The following ST8SIA4 variants were observed in gnomAD, a reference collection of about 807,000 sequenced individuals.
ST8SIA4 encodes ST8 alpha-N-acetyl-neuraminide alpha-2,8-sialyltransferase 4, also known as CMP-N-acetylneuraminate-poly-alpha-2,8-sialyltransferase.
A neutral mutation model predicts 33.9 loss-of-function variants in ST8SIA4; 15 were observed. The ratio of observed to expected loss-of-function variants is 0.44; its 90% CI spans 0.30 to 0.68. The LOEUF is 0.68. Among genes scored for constraint, ST8SIA4 ranks in the 30% least tolerant of loss-of-function variants. The probability of loss-of-function intolerance (pLI) is 0.10; values close to 1 mark genes in which losing one functional copy is unlikely to be tolerated. For synonymous variants in ST8SIA4, 171 were observed against 151.2 expected, an observed-to-expected ratio of 1.13 and a Z score of -0.96; for missense variants, 321 against 428.0, an observed-to-expected ratio of 0.75 and a Z score of 2.21.
chr5:100,865,638 C>A (rs1752045261), intron 3 of ST8SIA4, among the ~76,000 whole-genome samples: 1 of 152,090 alleles, frequency 6.6e-6, no homozygotes, highest in South Asian at 2.1e-4. Flanking sequence ...CTTCCATAAA[C>A]TTCTTGTTTT....
intron 2 of ST8SIA4, 57 bp downstream of exon 2, chr5:100,895,597 C>G: frequency 6.4e-7 from 1 of 1,554,696 alleles, no homozygotes; most frequent in African/African-American, 1.4e-5. Context: ...GTTTGCCAAG[C>G]CCAACGTATT....
In ST8SIA4 at chr5:100,811,553, T is replaced by C. The variant is rs563566346; in HGVS notation, c.*294A>G. 12 of 236,314 alleles carry C rather than the reference T, an allele frequency of 5.1e-5. No individual in the cohort carries two copies. Among genetic ancestry groups the C allele is most frequent in the Non-Finnish European group, 9.9e-5 (12 of 120,784 alleles). The allele number at this position is 236,314 out of a possible 1,614,324, so 14.6% of individuals were successfully genotyped here. A position where few individuals can be genotyped will look rare whatever the true frequency, so the allele number is the denominator to read the frequency against. ...CCTGACAGTGATGAACATATTTGCT[T>C]TGTTAACTAATGATGAGTGCACTGT... On this transcript the variant is annotated 3_prime_UTR_variant, in exon 5 of 5. Transcript: ENST00000231461.
chr5:100,807,871 A>G lies in ST8SIA4; in HGVS notation c.*3976T>C, dbSNP rs1750727750. On this transcript the variant is annotated 3_prime_UTR_variant, in exon 5 of 5. Coordinates refer to ENST00000231461, the MANE Select transcript of ST8SIA4 (RefSeq NM_005668.6). Reference sequence around the variant, plus strand: ...ACATGTCTATTTGTACTATATAGGTATATCTATAGCACATATATAATAAAA... The same window carrying G: ...ACATGTCTATTTGTACTATATAGGTGTATCTATAGCACATATATAATAAAA... 1 of 152,576 alleles carries G rather than the reference A, an allele frequency of 6.6e-6. No individual in the cohort carries two copies. Among genetic ancestry groups the G allele is most frequent in the Admixed American group, 6.5e-5 (1 of 15,282 alleles). 9.5% of individuals were successfully genotyped at this position (152,576 alleles called of 1,614,324 possible). A position where few individuals can be genotyped will look rare whatever the true frequency, so the allele number is the denominator to read the frequency against.
intron 1 of ST8SIA4, among the ~76,000 whole-genome samples, chr5:100,898,688 C>T (rs1752831665): frequency 6.6e-6 from 1 of 152,150 alleles, no homozygotes; most frequent in South Asian, 2.1e-4. Context: ...TCACTCATGA[C>T]CTTGGTAGCA....
intron 2 of ST8SIA4, among the ~76,000 whole-genome samples, chr5:100,886,871 A>G (rs1471217943): frequency 2.0e-5 from 3 of 152,152 alleles, no homozygotes; most frequent in Non-Finnish European, 2.9e-5. Flanking sequence ...AGTTATAAAA[A>G]GCACTCCAAT....
chr5:100,882,601 C>A (rs1752450079), intron 3 of ST8SIA4, among the ~76,000 whole-genome samples: 1 of 152,214 alleles, frequency 6.6e-6, no homozygotes, highest in Non-Finnish European at 1.5e-5. Flanking sequence ...CAAGGCATGT[C>A]AGAGGTCTTT....
intron 3 of ST8SIA4, among the ~76,000 whole-genome samples, chr5:100,860,197 C>A (rs1212447868): frequency 6.6e-6 from 1 of 152,132 alleles, no homozygotes; most frequent in Non-Finnish European, 1.5e-5. Flanking sequence ...AAATTTTCCC[C>A]ACCTTTGTTA....
chr5:100,903,009 A>C lies in ST8SIA4; in HGVS notation c.-54T>G. ...CCCAGCTCCCGCACCTTCTCTTGAT[A>C]TAAAGGCTCCGTTTTGGGGAGATAG... On this transcript the variant is annotated 5_prime_UTR_variant, in exon 1 of 5. Transcript: ENST00000231461. 1 of 1,305,860 alleles carries C rather than the reference A, an allele frequency of 7.7e-7. No homozygotes were observed. The highest frequency in any genetic ancestry group is 1.1e-6 in the Non-Finnish European group (1 of 901,378). 80.9% of individuals were successfully genotyped at this position (1,305,860 alleles called of 1,614,324 possible). A position where few individuals can be genotyped will look rare whatever the true frequency, so the allele number is the denominator to read the frequency against.
At position 100,895,674 on chromosome 5, in the gene ST8SIA4, G is replaced by A; in HGVS notation, c.225C>T (p.Ser75=). Residue 75 remains serine, a synonymous_variant, in exon 2 of 5, where the codon TCC becomes TCT. Coordinates refer to ENST00000231461, the MANE Select transcript of ST8SIA4 (RefSeq NM_005668.6). ...CTCACCTTATCTCTAGGACCAAAGA[G>A]GAATTGATTTTCCAACCTTCTACAT... ...QHNVEGWKIN[S]SLVLEIRKNI... The A allele has an allele frequency of 1.9e-6, 3 of 1,611,060 alleles. No homozygotes were observed. Among genetic ancestry groups the A allele is most frequent in the Non-Finnish European group, 8.5e-7 (1 of 1,178,348 alleles).
At chr5:100,860,920 G>C (rs553480423) in intron 3 of ST8SIA4, among the ~76,000 whole-genome samples, 1 of 152,008 alleles carries the variant, frequency 6.6e-6, no homozygotes, top group African/African-American at 2.4e-5. Context: ...CAAATTTTGA[G>C]CAGTTATTAA....
intron 3 of ST8SIA4, among the ~76,000 whole-genome samples, chr5:100,858,980 G>GA (rs1751875402): frequency 6.6e-6 from 1 of 151,988 alleles, no homozygotes; most frequent in South Asian, 2.1e-4. Flanking sequence ...ATTTTCCCTG[G>GA]AAAATAGAGT....
chr5:100,817,761 A>C (rs1691531090), intron 4 of ST8SIA4, among the ~76,000 whole-genome samples: 1 of 152,230 alleles, frequency 6.6e-6, no homozygotes, highest in Admixed American at 6.5e-5. Context: ...ACTTGCTGAG[A>C]ATAATTCACT....
At chr5:100,875,499 C>T (rs747561454) in intron 3 of ST8SIA4, among the ~76,000 whole-genome samples, 24 of 152,028 alleles carry the variant, frequency 1.6e-4, no homozygotes, top group Non-Finnish European at 2.9e-4. Context: ...TTCTATTAGT[C>T]CCTCTGCATT....
At chr5:100,897,446 T>C (rs1177497747) in intron 1 of ST8SIA4, among the ~76,000 whole-genome samples, 2 of 152,194 alleles carry the variant, frequency 1.3e-5, no homozygotes, top group Non-Finnish European at 2.9e-5. Context: ...CCATAGCCCT[T>C]TGAATATTTG....
At chr5:100,862,435 G>A (rs1350901028) in intron 3 of ST8SIA4, among the ~76,000 whole-genome samples, 2 of 152,022 alleles carry the variant, frequency 1.3e-5, no homozygotes, top group African/African-American at 4.8e-5. Context: ...GTCTCACACT[G>A]TCGCCCTGGC....
At chr5:100,868,926 G>C (rs73159998) in intron 3 of ST8SIA4, among the ~76,000 whole-genome samples, 9 of 152,000 alleles carry the variant, frequency 5.9e-5, no homozygotes, top group Admixed American at 5.2e-4. Flanking sequence ...TTTGTTACTT[G>C]TATAGGGATT....
In ST8SIA4 at chr5:100,880,560, T is replaced by C. The variant is rs568094734; in HGVS notation, c.503+5783A>G. ...TTTATTGTTACTGGCAAGATATTAG[T>C]ATTTTATAGAGTGTGGTAAGAAGCT... On this transcript the variant is annotated intron_variant, in intron 3 of 4. Transcript: ENST00000231461. 1.3e-3 allele frequency among the ~76,000 whole-genome samples: 193 copies of C among 152,278 alleles called. 1 individual carries two copies. Among genetic ancestry groups the C allele is most frequent in the African/African-American group, 4.5e-3 (188 of 41,544 alleles).
chr5:100,823,993 T>A (rs1424769216), intron 4 of ST8SIA4, among the ~76,000 whole-genome samples: 1 of 152,222 alleles, frequency 6.6e-6, no homozygotes, highest in African/African-American at 2.4e-5. Context: ...GAAATATAAC[T>A]TTCTTTAAAA....
intron 4 of ST8SIA4, among the ~76,000 whole-genome samples, chr5:100,826,836 T>C (rs1046796740): frequency 6.6e-6 from 1 of 151,836 alleles, no homozygotes; most frequent in African/African-American, 2.4e-5. Context: ...TTATATGTTG[T>C]ATATTATATT....
Sources: gnomAD v4.1 joint callset for allele counts (sites outside exome capture counted in the v4.1 genomes callset) on GRCh38, gnomAD v4.1.1 for gene constraint, MANE v1.5 for transcripts, NCBI Gene and HGNC (gene_info 2026-07-23, HGNC 2026-07-21) for gene names.